MTMR10: variants seen among roughly 807,000 people sequenced by gnomAD.
The protein encoded by MTMR10 is myotubularin related protein 10.
A neutral mutation model predicts 88.1 loss-of-function variants in MTMR10; 56 were observed. The ratio of observed to expected loss-of-function variants is 0.64; its 90% CI spans 0.51 to 0.79. MTMR10 has a LOEUF of 0.79. Ranked by LOEUF, MTMR10 falls within the 30% of genes least tolerant of loss-of-function variation. The pLI, the probability that MTMR10 is intolerant of heterozygous loss-of-function variation, is 0.00. For synonymous variants in MTMR10, 380 were observed against 340.9 expected (o/e 1.11, Z -1.26); for missense variants, 883 against 924.7 (o/e 0.95, Z 0.58).
the MTMR10 span, among the ~76,000 whole-genome samples, chr15:30,931,633 G>A: frequency 6.6e-6 from 1 of 152,200 alleles, no homozygotes; most frequent in African/African-American, 2.4e-5. Context: ...ATTCATTTGT[G>A]GTGTGTGGAT....
At chr15:30,987,119 T>C (rs2030989363) in intron 2 of MTMR10, among the ~76,000 whole-genome samples, 1 of 152,254 alleles carries the variant, frequency 6.6e-6, no homozygotes. Flanking sequence ...CTGACTACTT[T>C]GACAGAGTAC....
intron 2 of MTMR10, among the ~76,000 whole-genome samples, chr15:30,986,939 C>G (rs2030976721): frequency 1.3e-5 from 2 of 152,250 alleles, no homozygotes; most frequent in South Asian, 4.1e-4. Context: ...TCTGGCATTA[C>G]ATGCTCTTAA....
downstream of MTMR10, among the ~76,000 whole-genome samples, chr15:30,936,618 C>G (rs1189478462): frequency 6.6e-6 from 1 of 151,864 alleles, no homozygotes; most frequent in Non-Finnish European, 1.5e-5. Flanking sequence ...TTATGATGGC[C>G]TTATGTCCTG....
chr15:30,928,117 A>G, the MTMR10 span: 2 of 1,003,898 alleles, frequency 2.0e-6, no homozygotes, highest in African/African-American at 3.5e-5. Flanking sequence ...AGGTCCCCTT[A>G]GGGAAGCATT....
chr15:30,919,500 G>A, the MTMR10 span, among the ~76,000 whole-genome samples: 1 of 151,818 alleles, frequency 6.6e-6, no homozygotes, highest in Non-Finnish European at 1.5e-5. Flanking sequence ...AGACTAGCCT[G>A]GCCAACATGG....
At chr15:30,977,040 G>T in intron 2 of MTMR10, 85 bp from the exon 3 acceptor site, 1 of 1,293,516 alleles carries the variant, frequency 7.7e-7, no homozygotes, top group Non-Finnish European at 1.1e-6. Flanking sequence ...TGTTTCATGA[G>T]GGCAAGGATG....
chr15:30,974,160 A>C (rs2029927105), intron 5 of MTMR10, among the ~76,000 whole-genome samples, 154 bp downstream of exon 5: 1 of 152,032 alleles, frequency 6.6e-6, no homozygotes, highest in Non-Finnish European at 1.5e-5. Flanking sequence ...AAATAGTTCT[A>C]TTAATATTCT....
the MTMR10 span, chr15:30,926,837 A>G: frequency 1.0e-6 from 1 of 985,376 alleles, no homozygotes; most frequent in South Asian, 4.7e-5. Flanking sequence ...CAGAGTAGAA[A>G]CTATTTTTCC....
the MTMR10 span, among the ~76,000 whole-genome samples, chr15:30,921,571 A>G: frequency 6.6e-6 from 1 of 152,182 alleles, no homozygotes; most frequent in African/African-American, 2.4e-5. Flanking sequence ...GGATGTGCTA[A>G]GCTGGTTTCT....
chr15:30,940,958 A>C lies in MTMR10; in HGVS notation c.*512T>G, dbSNP rs2063025779. The C allele has an allele frequency of 9.1e-7, 1 of 1,095,180 alleles. No homozygotes were observed. The highest frequency in any genetic ancestry group is 1.7e-5 in the African/African-American group (1 of 59,340). 67.8% of individuals were successfully genotyped at this position (1,095,180 alleles called of 1,614,324 possible). The stretch of plus-strand genomic sequence containing the variant: ...TCTAAGGTTCCAAAGAAGGTGATCT[A>C]AAATCATAAATTCTGGCCCCAGAAC... On this transcript the variant is annotated 3_prime_UTR_variant, in exon 16 of 16. Coordinates refer to ENST00000435680, the MANE Select transcript of MTMR10 (RefSeq NM_017762.3).
chr15:30,980,628 T>C (rs1168435751), intron 2 of MTMR10, among the ~76,000 whole-genome samples: 1 of 152,086 alleles, frequency 6.6e-6, no homozygotes, highest in East Asian at 1.9e-4. Context: ...CATTTTCCAA[T>C]AAAAAGAACT....
the MTMR10 span, among the ~76,000 whole-genome samples, chr15:30,929,907 TATATA>T: frequency 0.41 from 37,823 of 92,998 alleles, 10,702 homozygotes; most frequent in East Asian, 0.9. Flanking sequence ...ATATATAAAA[TATATA>T]ATATATATCA....
chr15:30,925,034 A>G, the MTMR10 span: 6 of 1,361,892 alleles, frequency 4.4e-6, no homozygotes, highest in Admixed American at 2.2e-5. Context: ...GCAAAATTCA[A>G]TAATAAACAG....
At position 30,940,566 on chromosome 15, in the gene MTMR10, C is replaced by CAGCA; in HGVS notation, c.*900_*903dup. 1.0e-6 allele frequency: 1 copy of CAGCA among 985,556 alleles called. No individual in the cohort carries two copies. The highest frequency in any genetic ancestry group is 1.2e-6 in the Non-Finnish European group (1 of 830,090). The allele number at this position is 985,556 out of a possible 1,614,324, so 61.1% of individuals were successfully genotyped here. ...TGATGGCCAAGCCCAGCACGCCTCCCAGCAAGCCTTGTTTGTTTTTGAGGG... is the reference window on the plus strand; with the variant it reads ...TGATGGCCAAGCCCAGCACGCCTCCCAGCAAGCAAGCCTTGTTTGTTTTTGAGGG... On this transcript the variant is annotated 3_prime_UTR_variant, in exon 16 of 16. Transcript: ENST00000435680.
chr15:30,972,799 C>G (rs1051363547), intron 5 of MTMR10, among the ~76,000 whole-genome samples: 1 of 152,174 alleles, frequency 6.6e-6, no homozygotes, highest in African/African-American at 2.4e-5. Context: ...ACAAGTACTA[C>G]AGATGGTTCA....
intron 15 of MTMR10, 174 bp from the exon 16 acceptor site, chr15:30,942,246 CTTT>C (rs1354667947): frequency 1.2e-6 from 1 of 815,276 alleles, no homozygotes; most frequent in Non-Finnish European, 1.9e-6. Flanking sequence ...TGGAATTACA[CTTT>C]TTTATGTGTT....
At chr15:30,965,840 T>C in intron 6 of MTMR10, 1 of 326,902 alleles carries the variant, frequency 3.1e-6, no homozygotes. Context: ...CCTCCAACTT[T>C]GGATCTTATT....
At chr15:30,984,795 G>A (rs925123241) in intron 2 of MTMR10, among the ~76,000 whole-genome samples, 1 of 152,154 alleles carries the variant, frequency 6.6e-6, no homozygotes, top group Admixed American at 6.5e-5. Context: ...CTGAGCTGAC[G>A]CACAGCCTCA....
chr15:30,929,051 A>G, the MTMR10 span: 2 of 761,874 alleles, frequency 2.6e-6, no homozygotes, highest in Non-Finnish European at 4.1e-6. Flanking sequence ...AGTTTAATAA[A>G]TTGCTTTTAT....
Sources: allele counts gnomAD v4.1 joint callset (sites outside exome capture counted in the v4.1 genomes callset), GRCh38; gene constraint gnomAD v4.1.1; transcripts MANE v1.5; gene names NCBI Gene and HGNC (gene_info 2026-07-23, HGNC 2026-07-21).